The following BCAS3 variants were observed in gnomAD, a reference collection of about 807,000 sequenced individuals.
The protein encoded by BCAS3 is BCAS4/BCAS3 fusion.
BCAS3 carries 53 observed loss-of-function variants against 116.1 expected under a neutral mutation model. The observed-to-expected ratio is 0.46, with a 90% CI of 0.37 to 0.57. The LOEUF (loss-of-function observed/expected upper bound fraction) is 0.57. BCAS3 is among the 20% of genes least tolerant of loss of function. BCAS3 has a pLI of 0.00. For missense variants in BCAS3, 917 were observed against 1,165.4 expected (o/e 0.79, Z 3.10); for synonymous variants, 391 against 408.2 (o/e 0.96, Z 0.51).
At chr17:60,941,375 C>T (rs1000957889) in intron 13 of BCAS3, among the ~76,000 whole-genome samples, 8 of 152,118 alleles carry the variant, frequency 5.3e-5, no homozygotes, top group Admixed American at 5.2e-4. Flanking sequence ...GTCTACTCTG[C>T]ACAAGTTTTT....
At chr17:60,831,240 G>A (rs183826274) in intron 7 of BCAS3, among the ~76,000 whole-genome samples, 157 of 151,958 alleles carry the variant, frequency 1.0e-3, no homozygotes, top group Admixed American at 4.7e-3. Flanking sequence ...GTAGTGGCAC[G>A]GTCTCGGCTT....
At chr17:60,907,336 A>G (rs956967947) in intron 11 of BCAS3, among the ~76,000 whole-genome samples, 1 of 152,088 alleles carries the variant, frequency 6.6e-6, no homozygotes, top group Non-Finnish European at 1.5e-5. Flanking sequence ...TCTTATTTTC[A>G]TGTGTGTTAC....
chr17:61,273,766 G>C (rs1037529237), intron 22 of BCAS3, among the ~76,000 whole-genome samples: 4 of 146,678 alleles, frequency 2.7e-5, no homozygotes, highest in Non-Finnish European at 6.0e-5. Flanking sequence ...CTTTTTCTCT[G>C]TACTACAGTT....
In BCAS3 at chr17:61,381,266, ATGGAAAGGCTCGCC is replaced by A. The variant is rs2059590162; in HGVS notation, c.2594-10708_2594-10695del. 6.6e-6 allele frequency among the ~76,000 whole-genome samples: 1 copy of A among 152,216 alleles called. No homozygotes were observed. The highest frequency in any genetic ancestry group is 1.5e-5 in the Non-Finnish European group (1 of 68,042). On this transcript the variant is annotated intron_variant, in intron 23 of 23. Transcript: ENST00000407086. This position sits in a 1 kb window ranked among gnomAD's most constrained non-coding sequence, Gnocchi z 6.0. The stretch of plus-strand genomic sequence containing the variant: ...TTTGTTATTCCTCCTGGAGGAGCAA[ATGGAAAGGCTCGCC>A]TGAGCCAGCTGAATTGAATAATGAA...
At chr17:60,985,897 A>G (rs1416297734) in intron 14 of BCAS3, among the ~76,000 whole-genome samples, 1 of 151,982 alleles carries the variant, frequency 6.6e-6, no homozygotes, top group Non-Finnish European at 1.5e-5. Flanking sequence ...CCAACACACC[A>G]GGCTAATTTT....
intron 6 of BCAS3, among the ~76,000 whole-genome samples, chr17:60,804,983 C>T (rs1394922268): frequency 2.1e-5 from 3 of 143,442 alleles, no homozygotes; most frequent in Non-Finnish European, 4.4e-5. Context: ...TTTTTTTTTC[C>T]CCCAAGCACT....
chr17:61,366,955 G>T lies in BCAS3; in HGVS notation c.2426-1372G>T, dbSNP rs1603090560. Among the ~76,000 whole-genome samples, 1 of 152,228 alleles carries T rather than the reference G, an allele frequency of 6.6e-6. No individual in the cohort carries two copies. The highest frequency in any genetic ancestry group is 6.5e-5 in the Admixed American group (1 of 15,284). The stretch of plus-strand genomic sequence containing the variant: ...TCTTTGCTGATGTATGGAGTCACCG[G>T]CTGTCGGAGTGTTTACTAACGGTTA... On this transcript the variant is annotated intron_variant, in intron 22 of 23. Coordinates refer to ENST00000407086, the MANE Select transcript of BCAS3 (RefSeq NM_017679.5). The surrounding 1 kb of genome is among the most constrained non-coding windows in gnomAD (Gnocchi z 4.5).
chr17:61,040,219 A>G lies in BCAS3; in HGVS notation c.1929-573A>G, dbSNP rs374694734. 1.2e-4 allele frequency among the ~76,000 whole-genome samples: 19 copies of G among 152,304 alleles called. 1 individual carries two copies. The highest frequency in any genetic ancestry group is 5.2e-4 in the Admixed American group (8 of 15,306). Reference sequence around the variant, plus strand: ...GGAGGCTCCAGCATTCTTTACTACTACTTTACTATGCTGGATTGATCTGAT... The same window carrying G: ...GGAGGCTCCAGCATTCTTTACTACTGCTTTACTATGCTGGATTGATCTGAT... On this transcript the variant is annotated intron_variant, in intron 18 of 23. Transcript: ENST00000407086.
rs1346061523 is a variant in BCAS3, at chr17:61,323,754, G to A, written c.2426-44573G>A. On this transcript the variant is annotated intron_variant, in intron 22 of 23. Coordinates refer to ENST00000407086, the MANE Select transcript of BCAS3 (RefSeq NM_017679.5). The surrounding 1 kb of genome is among the most constrained non-coding windows in gnomAD (Gnocchi z 4.6). ...TTCAGGGACCATTCATCACCGTGGT[G>A]CCTAGTCCCCAGGAGGTCAGTGGCC... 6.6e-6 allele frequency among the ~76,000 whole-genome samples: 1 copy of A among 152,148 alleles called. No individual in the cohort carries two copies. Among genetic ancestry groups the A allele is most frequent in the Non-Finnish European group, 1.5e-5 (1 of 68,034 alleles).
chr17:61,392,216 C>A lies in BCAS3; in HGVS notation c.*91C>A. The A allele has an allele frequency of 7.0e-7, 1 of 1,431,694 alleles. No individual in the cohort carries two copies. Among genetic ancestry groups the A allele is most frequent in the South Asian group, 1.3e-5 (1 of 74,710 alleles). The allele number at this position is 1,431,694 out of a possible 1,614,324, so 88.7% of individuals were successfully genotyped here. ...CTGGTCCTACCCTTCAGTCTCTGCT[C>A]TTCCTTCATCAACCACCTTCCCCAA... On this transcript the variant is annotated 3_prime_UTR_variant, in exon 24 of 24. Transcript: ENST00000407086. This position sits in a 1 kb window ranked among gnomAD's most constrained non-coding sequence, Gnocchi z 6.4.
intron 23 of BCAS3, among the ~76,000 whole-genome samples, chr17:61,369,123 G>C (rs998340162): frequency 2.6e-5 from 4 of 152,164 alleles, no homozygotes; most frequent in African/African-American, 9.7e-5. Context: ...ATGCACTCAG[G>C]AAAGCCACCA....
At chr17:60,736,435 G>C (rs140366596) in intron 5 of BCAS3, among the ~76,000 whole-genome samples, 4,823 of 151,118 alleles carry the variant, frequency 0.032, 243 homozygotes, top group African/African-American at 0.11. Context: ...ATCCACCCAC[G>C]TCAGCCTCCC....
intron 1 of BCAS3, among the ~76,000 whole-genome samples, chr17:60,678,729 G>A (rs1426740787): frequency 6.6e-6 from 1 of 152,226 alleles, no homozygotes. Flanking sequence ...TTGGAAGGTA[G>A]AGTGATATCA....
chr17:61,350,253 A>G (rs1337202697), intron 22 of BCAS3, among the ~76,000 whole-genome samples: 1 of 151,946 alleles, frequency 6.6e-6, no homozygotes, highest in African/African-American at 2.4e-5. Context: ...CGTCTCTACT[A>G]AAAATACAAG....
chr17:60,898,200 C>T (rs2057637269), intron 10 of BCAS3, among the ~76,000 whole-genome samples: 1 of 152,026 alleles, frequency 6.6e-6, no homozygotes, highest in Admixed American at 6.5e-5. Context: ...TAAATGGGCT[C>T]TCATAAATTT....
At chr17:60,773,422 A>G (rs2044945415) in intron 6 of BCAS3, among the ~76,000 whole-genome samples, 1 of 150,218 alleles carries the variant, frequency 6.7e-6, no homozygotes. Flanking sequence ...CTTCCCAAGT[A>G]GCTGAGACTA....
At chr17:60,941,641 T>G (rs2060230804) in intron 13 of BCAS3, among the ~76,000 whole-genome samples, 1 of 152,110 alleles carries the variant, frequency 6.6e-6, no homozygotes, top group Admixed American at 6.5e-5. Context: ...AAAAAAGTGT[T>G]TGAGATAGGA....
At chr17:61,081,190 T>C (rs946034278) in intron 21 of BCAS3, among the ~76,000 whole-genome samples, 1 of 152,216 alleles carries the variant, frequency 6.6e-6, no homozygotes, top group Non-Finnish European at 1.5e-5. Context: ...ACATTTAGTT[T>C]TTTTGCTAAA....
chr17:61,128,360 T>TGATGTACA lies in BCAS3; in HGVS notation c.2425+43798_2425+43805dup. ...CATTCCAGTTCCTTTCTTATTTGTT[T>TGATGTACA]GATGTACAGGCTTATTTAAGTGAAA... On this transcript the variant is annotated intron_variant, in intron 22 of 23. Coordinates refer to ENST00000407086, the MANE Select transcript of BCAS3 (RefSeq NM_017679.5). The surrounding 1 kb of genome is among the most constrained non-coding windows in gnomAD (Gnocchi z 4.1). 2.0e-6 allele frequency: 2 copies of TGATGTACA among 985,424 alleles called. No individual in the cohort carries two copies. The highest frequency in any genetic ancestry group is 9.4e-5 in the South Asian group (2 of 21,286). The allele number at this position is 985,424 out of a possible 1,614,324, so 61.0% of individuals were successfully genotyped here.
Sources: gnomAD v4.1 joint callset for allele counts (sites outside exome capture counted in the v4.1 genomes callset) on GRCh38, gnomAD v4.1.1 for gene constraint, Gnocchi (gnomAD v3.1) non-coding constraint, MANE v1.5 for transcripts, NCBI Gene and HGNC (gene_info 2026-07-23, HGNC 2026-07-21) for gene names.